AVEN: variants seen among roughly 807,000 people sequenced by gnomAD.
The protein encoded by AVEN is apoptosis and caspase activation inhibitor.
AVEN carries 41 observed loss-of-function variants against 38.1 expected under a neutral mutation model. The ratio of observed to expected loss-of-function variants is 1.08; its 90% CI spans 0.84 to 1.40. The LOEUF (loss-of-function observed/expected upper bound fraction) is 1.40, where lower values mean the gene tolerates loss of function less well. Ranked by LOEUF, AVEN falls within the 40% of genes most tolerant of loss-of-function variation. The probability of loss-of-function intolerance (pLI) is 0.00; values close to 1 mark genes in which losing one functional copy is unlikely to be tolerated. For missense variants in AVEN, 605 were observed against 438.8 expected (o/e 1.38, Z -3.38); for synonymous variants, 206 against 171.8 (o/e 1.20, Z -1.56).
intron 2 of AVEN, among the ~76,000 whole-genome samples, chr15:33,918,084 A>T (rs1893222457): frequency 6.6e-6 from 1 of 152,172 alleles, no homozygotes; most frequent in Non-Finnish European, 1.5e-5. Flanking sequence ...AGCACCATTA[A>T]TTTCACTTTT....
At chr15:33,926,882 T>G (rs891447440) in intron 2 of AVEN, among the ~76,000 whole-genome samples, 7 of 152,300 alleles carry the variant, frequency 4.6e-5, no homozygotes, top group African/African-American at 1.7e-4. Context: ...TTCAAACTCC[T>G]GACCTCAGGT....
At chr15:33,935,126 C>G (rs1167285636) in intron 2 of AVEN, among the ~76,000 whole-genome samples, 1 of 152,152 alleles carries the variant, frequency 6.6e-6, no homozygotes, top group Non-Finnish European at 1.5e-5. Context: ...CTAATGTATT[C>G]TGATGGCTCC....
At chr15:34,061,893 G>A (rs776824275) in intron 5 of AVEN, among the ~76,000 whole-genome samples, 45 of 152,074 alleles carry the variant, frequency 3.0e-4, no homozygotes, top group Non-Finnish European at 5.9e-5. Context: ...ATCAAGACTG[G>A]GACTATAGAA....
At chr15:33,861,244 A>AGTTC (rs1343031910), downstream of AVEN, 1 of 1,175,910 alleles carries the variant, frequency 8.5e-7, no homozygotes, top group Non-Finnish European at 1.2e-6. Context: ...TAGGTCATAT[A>AGTTC]GTTCAGTCTC....
At position 33,933,524 on chromosome 15, in the gene AVEN, C is replaced by CACACACACACACACAG. The variant is rs1893945145; in HGVS notation, c.446-57530_446-57529insCTGTGTGTGTGTGTGT. 3.9e-3 allele frequency among the ~76,000 whole-genome samples: 183 copies of CACACACACACACACAG among 46,642 alleles called. 2 individuals are homozygous for CACACACACACACACAG. The highest frequency in any genetic ancestry group is 6.3e-3 in the Non-Finnish European group (142 of 22,454). The allele number at this position is 46,642 out of a possible 152,430, so 30.6% of individuals were successfully genotyped here. A position where few individuals can be genotyped will look rare whatever the true frequency, so the allele number is the denominator to read the frequency against. On this transcript the variant is annotated intron_variant, in intron 2 of 5. Coordinates refer to ENST00000306730, the MANE Select transcript of AVEN (RefSeq NM_020371.3). ...ACACACACACACACACACACACACA[C>CACACACACACACACAG]AGAGAGAGAGAGAGAGAGAGAGAGA...
downstream of AVEN, among the ~76,000 whole-genome samples, chr15:33,861,905 G>C (rs1888379507): frequency 6.6e-6 from 1 of 152,044 alleles, no homozygotes; most frequent in Non-Finnish European, 1.5e-5. Flanking sequence ...TTACAGGTGT[G>C]AGCCACTGTG....
intron 2 of AVEN, among the ~76,000 whole-genome samples, chr15:33,982,663 G>T (rs1400782440): frequency 6.6e-6 from 1 of 152,052 alleles, no homozygotes; most frequent in Non-Finnish European, 1.5e-5. Flanking sequence ...ATTTAGTAAT[G>T]GAAACAAGAA....
At chr15:33,913,910 A>G (rs1893016506) in intron 2 of AVEN, among the ~76,000 whole-genome samples, 2 of 152,240 alleles carry the variant, frequency 1.3e-5, no homozygotes, top group South Asian at 4.1e-4. Flanking sequence ...ATCCATGAAA[A>G]GGGCTGAAAA....
Position 33,946,019 on chromosome 15 carries a change from T to C in AVEN, c.445+57013A>G, listed in dbSNP as rs552210351. The stretch of plus-strand genomic sequence containing the variant: ...GAGCAGGAACTGTATATTTTATTCT[T>C]AGTGTCTGGCACATAGTCAGTATTC... On this transcript the variant is annotated intron_variant, in intron 2 of 5. Coordinates refer to ENST00000306730, the MANE Select transcript of AVEN (RefSeq NM_020371.3). Among the ~76,000 whole-genome samples the C allele has an allele frequency of 2.6e-5, 4 of 152,360 alleles. No homozygotes were observed. The East Asian group carries it at 7.7e-4, about 29-fold the overall frequency.
intron 3 of AVEN, among the ~76,000 whole-genome samples, chr15:33,873,401 CT>C: frequency 6.7e-6 from 1 of 150,296 alleles, no homozygotes; most frequent in East Asian, 1.9e-4. Context: ...CGCCCGCCCC[CT>C]CTCTATTGTC....
downstream of AVEN, chr15:33,856,189 GTTCT>G (rs1419095043): frequency 5.3e-5 from 8 of 152,260 alleles, no homozygotes; most frequent in East Asian, 5.8e-4. Flanking sequence ...CAAAGTCCAA[GTTCT>G]TTCTCTTTTT....
chr15:34,011,354 TAAATA>T (rs1386399846), intron 1 of AVEN, among the ~76,000 whole-genome samples: 2 of 152,214 alleles, frequency 1.3e-5, no homozygotes, highest in African/African-American at 4.8e-5. Context: ...CTTTGTGTAT[TAAATA>T]AAATATATGT....
chr15:33,851,809 T>C, the AVEN span: 1 of 152,180 alleles, frequency 6.6e-6, no homozygotes, highest in Non-Finnish European at 1.5e-5. Context: ...CATGGCTTGA[T>C]TTTTATTTGT....
intron 2 of AVEN, among the ~76,000 whole-genome samples, chr15:33,998,163 C>T (rs34773983): frequency 0.15 from 22,714 of 152,144 alleles, 2,143 homozygotes; most frequent in Middle Eastern, 0.27. Context: ...GAAAACTGCC[C>T]AAGCCCCAGC....
chr15:34,054,326 G>T (rs1900048368), intron 5 of AVEN, among the ~76,000 whole-genome samples: 1 of 152,154 alleles, frequency 6.6e-6, no homozygotes, highest in Non-Finnish European at 1.5e-5. Context: ...TCTCATTACT[G>T]AGTATATACC....
chr15:34,049,596 T>C, intron 5 of AVEN, among the ~76,000 whole-genome samples: 1 of 151,878 alleles, frequency 6.6e-6, no homozygotes. Flanking sequence ...TGGAACCGAG[T>C]TGGAAAACAT....
intron 2 of AVEN, among the ~76,000 whole-genome samples, chr15:33,944,727 T>C (rs1311271705): frequency 2.6e-5 from 4 of 151,526 alleles, no homozygotes; most frequent in Non-Finnish European, 4.4e-5. Flanking sequence ...GAGAATGGCA[T>C]GAACTCGGGA....
At chr15:33,925,968 G>T (rs986223522) in intron 2 of AVEN, among the ~76,000 whole-genome samples, 5 of 152,122 alleles carry the variant, frequency 3.3e-5, no homozygotes, top group Non-Finnish European at 7.3e-5. Context: ...CGCAAATGAA[G>T]GTATTGGGCG....
chr15:33,954,114 G>A (rs1223448764), intron 2 of AVEN, among the ~76,000 whole-genome samples: 19 of 152,234 alleles, frequency 1.2e-4, no homozygotes, highest in African/African-American at 4.3e-4. Context: ...ACCATCTCAC[G>A]CCAGTTAGAA....
Sources: gnomAD v4.1 joint callset for allele counts (sites outside exome capture counted in the v4.1 genomes callset) on GRCh38, gnomAD v4.1.1 for gene constraint, MANE v1.5 for transcripts, NCBI Gene and HGNC (gene_info 2026-07-23, HGNC 2026-07-21) for gene names.